Variants in CCDC127 observed in about 807,000 individuals in gnomAD.
CCDC127 encodes the protein coiled-coil domain containing 127, also known as coiled-coil domain-containing protein 127.
In CCDC127, 2 loss-of-function variants were observed where a neutral mutation model predicts 4.1. The observed-to-expected ratio is 0.49, with a 90% CI of 0.20 to 1.53. CCDC127 has a LOEUF of 1.53. Among genes scored for constraint, CCDC127 ranks in the 40% most tolerant of loss-of-function variants. The pLI is 0.23. For missense variants in CCDC127, 271 were observed against 322.9 expected, an observed-to-expected ratio of 0.84 and a Z score of 1.23; for synonymous variants, 98 against 120.4, an observed-to-expected ratio of 0.81 and a Z score of 1.22.
Position 197,213 on chromosome 5 carries a change from C to T in CCDC127, c.*8084G>A, listed in dbSNP as rs1733973233. On this transcript the variant is annotated 3_prime_UTR_variant, in exon 3 of 3. Transcript: ENST00000296824. ...CGCCACAAGGCGGCTTTTCTCCTGTCTCAGAGTTGAACAAATGTACAATCG... is the reference window on the plus strand; with the variant it reads ...CGCCACAAGGCGGCTTTTCTCCTGTTTCAGAGTTGAACAAATGTACAATCG... The T allele has an allele frequency of 6.6e-6, 1 of 152,246 alleles. No individual in the cohort carries two copies. The highest frequency in any genetic ancestry group is 1.9e-4 in the East Asian group (1 of 5,194). 9.4% of individuals were successfully genotyped at this position (152,246 alleles called of 1,614,324 possible). A position where few individuals can be genotyped will look rare whatever the true frequency, so the allele number is the denominator to read the frequency against.
Position 205,598 on chromosome 5 carries a change from T to G in CCDC127, c.482A>C (p.Glu161Ala). ...WQRRARLLLK[E>A]FEAVLTERQN... ...TCTTTCTGTGAGAACAGCTTCAAAT[T>G]CTTTCAGCAAAAGCCTGGCTCTCCT... The change falls in exon 3 of 3, where the codon GAA (glutamate) becomes GCA (alanine). Residue 161 changes from glutamate to alanine, a missense_variant. Physicochemically the swap from Glu to Ala is moderately radical, Grantham distance 107. Coordinates refer to ENST00000296824, the MANE Select transcript of CCDC127 (RefSeq NM_145265.3). 1 of 1,614,212 alleles carries G rather than the reference T, an allele frequency of 6.2e-7. No homozygotes were observed. Among genetic ancestry groups the G allele is most frequent in the South Asian group, 1.1e-5 (1 of 91,088 alleles).
At chr5:217,858 T>C (rs1172871709) in intron 1 of CCDC127, among the ~76,000 whole-genome samples, 2 of 152,252 alleles carry the variant, frequency 1.3e-5, no homozygotes, top group Non-Finnish European at 2.9e-5. Flanking sequence ...ACATGTGACC[T>C]CCACAAACAC....
chr5:212,338 C>T (rs1409896829), intron 2 of CCDC127, among the ~76,000 whole-genome samples: 1 of 39,224 alleles, frequency 2.5e-5, no homozygotes, highest in Non-Finnish European at 4.8e-5. Context: ...ATGGGGCAGA[C>T]GGGACAGCAA....
In CCDC127 at chr5:200,281, CCCTT is replaced by C. The variant is rs1215494920; in HGVS notation, c.*5012_*5015del. The C allele has an allele frequency of 6.6e-6, 1 of 152,294 alleles. No individual in the cohort carries two copies. 9.4% of individuals were successfully genotyped at this position (152,294 alleles called of 1,614,324 possible). On this transcript the variant is annotated 3_prime_UTR_variant, in exon 3 of 3. Transcript: ENST00000296824. ...GCTGTCCATGGGTGGCTTACTGAAG[CCCTT>C]CGTTTTCTCTTTTCAAGATTTCCCA...
rs1162811435 is a variant in CCDC127 at position 203,527 on chromosome 5, A to G, written c.*1770T>C. 1.3e-5 allele frequency: 2 copies of G among 152,254 alleles called. No individual in the cohort carries two copies. The highest frequency in any genetic ancestry group is 2.9e-5 in the Non-Finnish European group (2 of 68,060). The allele number at this position is 152,254 out of a possible 1,614,324, so 9.4% of individuals were successfully genotyped here. A position where few individuals can be genotyped will look rare whatever the true frequency, so the allele number is the denominator to read the frequency against. ...GGATTTCAAACAACGCATGCGTGTA[A>G]AGCGTGTACAGCTCAGGGTGGAACA... is the stretch of plus-strand genomic sequence containing the variant. On this transcript the variant is annotated 3_prime_UTR_variant, in exon 3 of 3. Transcript: ENST00000296824.
Position 205,486 on chromosome 5 carries a change from G to A in CCDC127, c.594C>T (p.Pro198=), listed in dbSNP as rs372308365. 34 of 1,613,988 alleles carry A rather than the reference G, an allele frequency of 2.1e-5. 1 individual carries two copies. Among genetic ancestry groups the A allele is most frequent in the Middle Eastern group, 1.6e-4 (1 of 6,062 alleles). The change falls in exon 3 of 3, where the codon CCC becomes CCT. Residue 198 remains proline, a synonymous_variant. Coordinates refer to ENST00000296824, the MANE Select transcript of CCDC127 (RefSeq NM_145265.3). The part of the protein sequence containing the change: ...KSLLVRASVD[P]VAADLEMAAG... ...CTGCCATCTCTAGGTCAGCGGCGACGGGGTCGACGGACGCTCGCACCAGTA... is the reference window on the plus strand; with the variant it reads ...CTGCCATCTCTAGGTCAGCGGCGACAGGGTCGACGGACGCTCGCACCAGTA...
At position 197,099 on chromosome 5, in the gene CCDC127, G is replaced by T. The variant is rs183246830; in HGVS notation, c.*8198C>A. The T allele has an allele frequency of 1.3e-5, 2 of 152,054 alleles. No homozygotes were observed. The highest frequency in any genetic ancestry group is 2.9e-5 in the Non-Finnish European group (2 of 68,016). The allele number at this position is 152,054 out of a possible 1,614,324, so 9.4% of individuals were successfully genotyped here. ...GAAGGTACTATGCCTGGACGTGCAC[G>T]TAGGCCAGATTTATGTTTCTCTCCA... On this transcript the variant is annotated 3_prime_UTR_variant, in exon 3 of 3. Transcript: ENST00000296824.
rs370021847 is a variant in CCDC127 at position 205,398 on chromosome 5, G to A, written c.682C>T (p.Arg228Cys). 76 of 1,614,088 alleles carry A rather than the reference G, an allele frequency of 4.7e-5. No homozygotes were observed. The highest frequency in any genetic ancestry group is 1.1e-4 in the East Asian group (5 of 44,908). The change falls in exon 3 of 3, where the codon CGC (arginine) becomes TGC (cysteine). Residue 228 changes from arginine to cysteine, a missense_variant. This residue lies in a region of CCDC127 where 265 missense variants were observed against 270.9 expected (regional missense o/e 0.98). Transcript: ENST00000296824. Reference protein sequence around the residue: ...YCGDVWNTNKRQNGRLMWLYL... With the variant: ...YCGDVWNTNKCQNGRLMWLYL... ...AGCCACATGAGTCTGCCATTCTGGCGTTTGTTGGTGTTCCAGACATCACCA... is the reference window on the plus strand; with the variant it reads ...AGCCACATGAGTCTGCCATTCTGGCATTTGTTGGTGTTCCAGACATCACCA...
At chr5:215,539 G>A (rs551781100) in intron 2 of CCDC127, 1 of 152,114 alleles carries the variant, frequency 6.6e-6, no homozygotes, top group Non-Finnish European at 1.5e-5. Flanking sequence ...CTCTCCAAGT[G>A]TTAAGGGTTT....
intron 2 of CCDC127, among the ~76,000 whole-genome samples, chr5:210,684 G>T: frequency 7.3e-6 from 1 of 136,624 alleles, no homozygotes; most frequent in Non-Finnish European, 1.6e-5. Flanking sequence ...ATCGCACACT[G>T]CAGCCACGAT....
chr5:218,031 C>T, intron 1 of CCDC127, 62 bp downstream of exon 1: 1 of 992,224 alleles, frequency 1.0e-6, no homozygotes, highest in Non-Finnish European at 1.2e-6. Context: ...TCCCGGAGAA[C>T]CACCCACGGG....
chr5:205,621 C>T lies in CCDC127; in HGVS notation c.459G>A (p.Arg153=). The part of the protein sequence containing the change: ...SCLQREENWQ[R]RARLLLKEFE... ...ATTCTTTCAGCAAAAGCCTGGCTCTCCTTTGCCAGTTTTCTTCCCTTTGCA... is the reference window on the plus strand; with the variant it reads ...ATTCTTTCAGCAAAAGCCTGGCTCTTCTTTGCCAGTTTTCTTCCCTTTGCA... Residue 153 remains arginine, a synonymous_variant, in exon 3 of 3, where the codon AGG becomes AGA. Transcript: ENST00000296824. The T allele has an allele frequency of 6.2e-7, 1 of 1,614,230 alleles. No individual in the cohort carries two copies. The highest frequency in any genetic ancestry group is 8.5e-7 in the Non-Finnish European group (1 of 1,180,048).
At chr5:206,988 C>A (rs116055501) in intron 2 of CCDC127, among the ~76,000 whole-genome samples, 2,323 of 152,258 alleles carry the variant, frequency 0.015, 57 homozygotes, top group African/African-American at 0.053. Flanking sequence ...CCTTCTAGAA[C>A]CACTGGAGTT....
intron 2 of CCDC127, among the ~76,000 whole-genome samples, chr5:208,581 G>A (rs1456524898): frequency 1.3e-5 from 2 of 152,182 alleles, no homozygotes; most frequent in East Asian, 1.9e-4. Flanking sequence ...GGGTGGGGTC[G>A]GGGGGAGCCA....
chr5:215,725 T>C (rs1272158854), intron 2 of CCDC127: 2 of 152,106 alleles, frequency 1.3e-5, no homozygotes, highest in African/African-American at 4.8e-5. Flanking sequence ...ACCTGAGACA[T>C]GGAAGCAGAT....
intron 1 of CCDC127, chr5:217,137 AAAAAAG>A (rs1278824536): frequency 4.3e-6 from 1 of 235,192 alleles, no homozygotes; most frequent in Non-Finnish European, 8.2e-6. Context: ...CCCCCCCAAA[AAAAAAG>A]AAAAAGAAAA....
At position 205,832 on chromosome 5, in the gene CCDC127, C is replaced by A; in HGVS notation, c.248G>T (p.Arg83Leu). 6.2e-7 allele frequency: 1 copy of A among 1,614,154 alleles called. No individual in the cohort carries two copies. Among genetic ancestry groups the A allele is most frequent in the Non-Finnish European group, 8.5e-7 (1 of 1,180,034 alleles). Residue 83 changes from arginine to leucine, a missense_variant, in exon 3 of 3, where the codon CGT becomes CTT. Transcript: ENST00000296824. ...KYHAMISENR[R>L]AVAQLSLELE... ...TTCCAAGGACAACTGAGCGACAGCA[C>A]GCCGATTTTCTGAGATCATGGCGTG...
rs1323778221 is a variant in CCDC127 at position 200,887 on chromosome 5, A to G, written c.*4410T>C. ...CACAGCCAGCCAGCGTCTACACAGC[A>G]GGCTGCCCCCATCACAGCTAGCCAG... On this transcript the variant is annotated 3_prime_UTR_variant, in exon 3 of 3. Transcript: ENST00000296824. 3.7e-5 allele frequency: 4 copies of G among 108,262 alleles called. No homozygotes were observed. Among genetic ancestry groups the G allele is most frequent in the African/African-American group, 1.4e-4 (4 of 29,132 alleles). 6.7% of individuals were successfully genotyped at this position (108,262 alleles called of 1,614,324 possible).
chr5:217,835 T>C (rs911406581), intron 1 of CCDC127, among the ~76,000 whole-genome samples: 12 of 152,244 alleles, frequency 7.9e-5, no homozygotes, highest in African/African-American at 2.9e-4. Flanking sequence ...GTAGAGTCAC[T>C]TTAAGTTTGT....
Sources: allele counts gnomAD v4.1 joint callset (sites outside exome capture counted in the v4.1 genomes callset), GRCh38; gene constraint gnomAD v4.1.1; regional missense constraint gnomAD v4.1.1; transcripts MANE v1.5; gene names NCBI Gene and HGNC (gene_info 2026-07-23, HGNC 2026-07-21).